ACTL6A: variants seen among roughly 807,000 people sequenced by gnomAD.
ACTL6A encodes actin-like protein 6A.
Under a neutral mutation model 59.2 loss-of-function variants are expected in ACTL6A, and 5 were observed. That is an observed-to-expected ratio of 0.08 (90% CI 0.04 to 0.18). ACTL6A has a LOEUF of 0.18. Ranked by LOEUF, ACTL6A falls within the 10% of genes least tolerant of loss-of-function variation. The probability of loss-of-function intolerance (pLI) is 1.00; values close to 1 mark genes in which losing one functional copy is unlikely to be tolerated. For synonymous variants in ACTL6A, 154 were observed against 171.8 expected (o/e 0.90, Z 0.81); for missense variants, 285 against 526.9 (o/e 0.54, Z 4.49).
chr3:179,586,365 A>G, intron 12 of ACTL6A, 181 bp from the exon 13 acceptor site: 1 of 460,078 alleles, frequency 2.2e-6, no homozygotes. Flanking sequence ...TGGCTCATGC[A>G]TGTAATCCCA....
rs1406315852 is a variant in ACTL6A at position 179,583,542 on chromosome 3, T to TA, written c.1122+95dup. 6.5e-6 allele frequency: 6 copies of TA among 925,330 alleles called. No homozygotes were observed. In the African/African-American group the frequency reaches 8.3e-5, roughly 13 times the overall value. The allele number at this position is 925,330 out of a possible 1,614,324, so 57.3% of individuals were successfully genotyped here. A position where few individuals can be genotyped will look rare whatever the true frequency, so the allele number is the denominator to read the frequency against. ...AGATAAGCGTCCATTTTTCAATAGA[T>TA]ACATGATATTTTGTGTGTGCCTGGT... On this transcript the variant is annotated intron_variant, in intron 12 of 13. Coordinates refer to ENST00000429709, the MANE Select transcript of ACTL6A (RefSeq NM_004301.5).
intron 6 of ACTL6A, 134 bp downstream of exon 6, chr3:179,576,445 A>G (rs1718167930): frequency 1.2e-6 from 1 of 800,622 alleles, no homozygotes; most frequent in Non-Finnish European, 1.9e-6. Context: ...TATGTTAAAA[A>G]TCTTTAGTAT....
intron 12 of ACTL6A, among the ~76,000 whole-genome samples, chr3:179,585,808 C>T (rs1173530713): frequency 6.6e-6 from 1 of 152,118 alleles, no homozygotes; most frequent in African/African-American, 2.4e-5. Context: ...GGGGATAGTA[C>T]TGTGCAATAA....
At chr3:179,571,855 G>A (rs1479122686) in intron 3 of ACTL6A, among the ~76,000 whole-genome samples, 5 of 151,754 alleles carry the variant, frequency 3.3e-5, no homozygotes, top group Non-Finnish European at 5.9e-5. Context: ...TAGGTATAGC[G>A]AGCTACCCTT....
intron 12 of ACTL6A, among the ~76,000 whole-genome samples, chr3:179,583,917 A>C (rs555185088): frequency 1.3e-5 from 2 of 152,338 alleles, no homozygotes; most frequent in Admixed American, 1.3e-4. Flanking sequence ...GATGGAGGGA[A>C]TAAAACCATT....
chr3:179,580,884 A>G lies in ACTL6A; in HGVS notation c.831-10A>G, dbSNP rs751014224. On this transcript the variant is annotated splice_polypyrimidine_tract_variant and intron_variant, in intron 9 of 13. Transcript: ENST00000429709. The stretch of plus-strand genomic sequence containing the variant: ...TGTCTTTTGTGTAATACGGTTTAAT[A>G]TGTTTTCAGAGTGGCTGCACAGATG... 1 of 1,579,552 alleles carries G rather than the reference A, an allele frequency of 6.3e-7. No individual in the cohort carries two copies. Among genetic ancestry groups the G allele is most frequent in the Non-Finnish European group, 8.6e-7 (1 of 1,168,238 alleles).
At chr3:179,575,251 C>T (rs1718132129) in intron 5 of ACTL6A, 1 of 389,908 alleles carries the variant, frequency 2.6e-6, no homozygotes, top group South Asian at 2.0e-5. Context: ...GTTCTCTGAC[C>T]TCGCTGTGTT....
intron 1 of ACTL6A, among the ~76,000 whole-genome samples, chr3:179,565,687 A>G (rs887575300): frequency 2.0e-5 from 3 of 152,096 alleles, no homozygotes; most frequent in Admixed American, 2.0e-4. Context: ...CATATTACCC[A>G]GTAAGTTAGT....
At chr3:179,581,725 C>T (rs1718344568) in intron 11 of ACTL6A, among the ~76,000 whole-genome samples, 1 of 152,102 alleles carries the variant, frequency 6.6e-6, no homozygotes, top group African/African-American at 2.4e-5. Context: ...TTTAAATGCT[C>T]TTCATATTTT....
chr3:179,568,261 T>A (rs1717899328), intron 1 of ACTL6A, among the ~76,000 whole-genome samples: 1 of 151,948 alleles, frequency 6.6e-6, no homozygotes, highest in African/African-American at 2.4e-5. Flanking sequence ...ATTTTAAAAA[T>A]TTTAAGTTTT....
Position 179,580,787 on chromosome 3 carries a change from TCTCA to T in ACTL6A, c.830+90_830+93del, listed in dbSNP as rs1429356819. The T allele has an allele frequency of 1.6e-5, 22 of 1,379,602 alleles. No individual in the cohort carries two copies. In the South Asian group the frequency reaches 1.8e-4, roughly 11 times the overall value. The allele number at this position is 1,379,602 out of a possible 1,614,324, so 85.5% of individuals were successfully genotyped here. A position where few individuals can be genotyped will look rare whatever the true frequency, so the allele number is the denominator to read the frequency against. On this transcript the variant is annotated intron_variant, in intron 9 of 13. Transcript: ENST00000429709. ...CTTAATTGAATAATGTTTAAAATAT[TCTCA>T]CTCCCTTTTTTTTTTTTACAAGTTT...
Position 179,588,016 on chromosome 3 carries a change from A to G in ACTL6A, c.*6A>G. 3 of 1,593,100 alleles carry G rather than the reference A, an allele frequency of 1.9e-6. No homozygotes were observed. The highest frequency in any genetic ancestry group is 2.6e-6 in the Non-Finnish European group (3 of 1,172,958). Reference sequence around the variant, plus strand: ...TAGAAAGAAAATGCCCTTGAGAAAGAGTTCCCAAGCTTCTACCTTCCTTTT... The same window carrying G: ...TAGAAAGAAAATGCCCTTGAGAAAGGGTTCCCAAGCTTCTACCTTCCTTTT... On this transcript the variant is annotated 3_prime_UTR_variant, in exon 14 of 14. Transcript: ENST00000429709.
chr3:179,587,833 T>G (rs940507364), intron 13 of ACTL6A, 97 bp from the exon 14 acceptor site: 33 of 883,986 alleles, frequency 3.7e-5, no homozygotes, highest in Middle Eastern at 2.7e-4. Flanking sequence ...CCAGCCTGGC[T>G]GACAGAGCAA....
rs1280292643 is a variant in ACTL6A, at chr3:179,570,909, A to G, written c.277+668A>G. 6.6e-6 allele frequency among the ~76,000 whole-genome samples: 1 copy of G among 152,220 alleles called. No individual in the cohort carries two copies. Among genetic ancestry groups the G allele is most frequent in the Non-Finnish European group, 1.5e-5 (1 of 68,036 alleles). Reference sequence around the variant, plus strand: ...GTGATGGTCAGAGTCCAGATGAGAAATGAAAAAGGTTTAAACTATTATATA... The same window carrying G: ...GTGATGGTCAGAGTCCAGATGAGAAGTGAAAAAGGTTTAAACTATTATATA... On this transcript the variant is annotated intron_variant, in intron 3 of 13. Coordinates refer to ENST00000429709, the MANE Select transcript of ACTL6A (RefSeq NM_004301.5). This position sits in a 1 kb window ranked among gnomAD's most constrained non-coding sequence, Gnocchi z 4.3.
At chr3:179,582,841 C>CA (rs1016984112) in intron 11 of ACTL6A, among the ~76,000 whole-genome samples, 3 of 150,470 alleles carry the variant, frequency 2.0e-5, no homozygotes, top group Non-Finnish European at 3.0e-5. Flanking sequence ...AGCTATCTGC[C>CA]AAAAAAAAAT....
chr3:179,587,333 G>A (rs1225323608), intron 13 of ACTL6A, among the ~76,000 whole-genome samples: 2 of 152,082 alleles, frequency 1.3e-5, no homozygotes, highest in Non-Finnish European at 2.9e-5. Context: ...CCTTCTGACA[G>A]TTTCTGTTAT....
chr3:179,567,673 T>G (rs1190388053), intron 1 of ACTL6A, among the ~76,000 whole-genome samples: 1 of 152,176 alleles, frequency 6.6e-6, no homozygotes, highest in Non-Finnish European at 1.5e-5. Context: ...CAACTCATAT[T>G]CATTGCTATA....
At chr3:179,571,447 A>G (rs944952740) in intron 3 of ACTL6A, among the ~76,000 whole-genome samples, 1 of 147,668 alleles carries the variant, frequency 6.8e-6, no homozygotes, top group East Asian at 2.1e-4. Flanking sequence ...AAAAAAAACA[A>G]GCTTATCAGG....
At chr3:179,580,848 G>C (rs762269504) in intron 9 of ACTL6A, 46 bp from the exon 10 acceptor site, 1 of 1,505,148 alleles carries the variant, frequency 6.6e-7, no homozygotes. Context: ...ATTTTGAAGA[G>C]AATTATTTTT....
Sources: allele counts gnomAD v4.1 joint callset (sites outside exome capture counted in the v4.1 genomes callset), GRCh38; gene constraint gnomAD v4.1.1; non-coding constraint Gnocchi (gnomAD v3.1); transcripts MANE v1.5; gene names NCBI Gene and HGNC (gene_info 2026-07-23, HGNC 2026-07-21).